Variants in SPAG16 observed in about 807,000 individuals in gnomAD.
SPAG16 encodes sperm associated antigen 16.
Under a neutral mutation model 80.4 loss-of-function variants are expected in SPAG16, and 86 were observed. That is an observed-to-expected ratio of 1.07 (90% CI 0.90 to 1.28). SPAG16 has a LOEUF of 1.28. SPAG16 is among the 50% of genes most tolerant of loss of function. The probability of loss-of-function intolerance (pLI) is 0.00; values close to 1 mark genes in which losing one functional copy is unlikely to be tolerated. For synonymous variants in SPAG16, 294 were observed against 265.9 expected, an observed-to-expected ratio of 1.11 and a Z score of -1.03; for missense variants, 870 against 765.3, an observed-to-expected ratio of 1.14 and a Z score of -1.61.
chr2:213,756,914 A>G lies in SPAG16; in HGVS notation c.1071-105571A>G, dbSNP rs115694552. Among the ~76,000 whole-genome samples the G allele has an allele frequency of 6.6e-3, 1,005 of 152,334 alleles. 21 individuals carry two copies. The highest frequency in any genetic ancestry group is 0.023 in the African/African-American group (968 of 41,574). On this transcript the variant is annotated intron_variant, in intron 10 of 15. Transcript: ENST00000331683. ...AAAGAAGTGTTTTTGAATGTTTAGC[A>G]TATGAAACCCTTATGGTGTTGTCTT...
chr2:213,667,235 T>TAAAAC (rs2063640969), intron 10 of SPAG16, among the ~76,000 whole-genome samples: 1 of 152,194 alleles, frequency 6.6e-6, no homozygotes, highest in Non-Finnish European at 1.5e-5. Context: ...CATGTTGGTG[T>TAAAAC]TAAATAAAAT....
intron 15 of SPAG16, among the ~76,000 whole-genome samples, chr2:214,257,352 CTTG>C (rs980472084): frequency 2.6e-5 from 4 of 151,908 alleles, no homozygotes; most frequent in Non-Finnish European, 5.9e-5. Context: ...TTTCTTTCCA[CTTG>C]TTGTGACTTT....
chr2:213,300,991 T>C (rs774273299), intron 3 of SPAG16, among the ~76,000 whole-genome samples: 29 of 152,110 alleles, frequency 1.9e-4, no homozygotes, highest in Admixed American at 4.6e-4. Context: ...TCCTTTTATT[T>C]AGATCTTAAT....
chr2:213,407,725 GGAGA>G (rs148004710), intron 9 of SPAG16, among the ~76,000 whole-genome samples: 3 of 144,966 alleles, frequency 2.1e-5, no homozygotes, highest in Admixed American at 6.9e-5. Context: ...AAGAGAGACA[GGAGA>G]GAGAGAGACA....
chr2:213,559,804 A>G (rs1469008179), intron 10 of SPAG16, among the ~76,000 whole-genome samples: 6 of 152,060 alleles, frequency 3.9e-5, no homozygotes, highest in Non-Finnish European at 8.8e-5. Context: ...ATAGAACAAA[A>G]ATTGCCTCAT....
At chr2:214,237,464 C>T (rs573736482) in intron 15 of SPAG16, among the ~76,000 whole-genome samples, 4 of 152,058 alleles carry the variant, frequency 2.6e-5, no homozygotes, top group African/African-American at 4.8e-5. Context: ...TTTTAAGACT[C>T]CTACATTACT....
At chr2:214,086,159 T>A (rs1032958195) in intron 13 of SPAG16, among the ~76,000 whole-genome samples, 1 of 152,218 alleles carries the variant, frequency 6.6e-6, no homozygotes, top group Non-Finnish European at 1.5e-5. Context: ...CTTCTGACAG[T>A]GACACTGCAT....
chr2:213,429,586 G>A (rs2070161210), intron 9 of SPAG16, among the ~76,000 whole-genome samples: 1 of 152,094 alleles, frequency 6.6e-6, no homozygotes, highest in African/African-American at 2.4e-5. Context: ...ATAGCATTTG[G>A]AAACAAGATA....
chr2:213,721,690 A>G (rs763887508), intron 10 of SPAG16, among the ~76,000 whole-genome samples: 15 of 152,352 alleles, frequency 9.8e-5, no homozygotes, highest in South Asian at 2.1e-4. Context: ...TGTTCTCAGC[A>G]TGGAAAAGTA....
In SPAG16 at chr2:214,299,084, C is replaced by T. The variant is rs1317895485; in HGVS notation, c.1721-111056C>T. 2.6e-5 allele frequency among the ~76,000 whole-genome samples: 4 copies of T among 151,948 alleles called. No individual in the cohort carries two copies. In the East Asian group the frequency reaches 7.7e-4, roughly 29 times the overall value. ...AAGTGAAGTAAAAATCTTGGAGTAT[C>T]TGTGAGAAAAGCTCAGAAAATCAGT... is the stretch of plus-strand genomic sequence containing the variant. On this transcript the variant is annotated intron_variant, in intron 15 of 15. Coordinates refer to ENST00000331683, the MANE Select transcript of SPAG16 (RefSeq NM_024532.5).
rs571949428 is a variant in SPAG16, at chr2:213,515,373, TAAGGATAAAAACCA to T, written c.1070+25287_1070+25300del. 3.9e-5 allele frequency among the ~76,000 whole-genome samples: 6 copies of T among 152,282 alleles called. No individual in the cohort carries two copies. The East Asian group carries it at 1.2e-3, about 29-fold the overall frequency. Reference sequence around the variant, plus strand: ...GTCACATTGATGACTTCCTTTTACCTAAGGATAAAAACCAAAGTCCTCTATACTTCATCCTCTAC... The same window carrying T: ...GTCACATTGATGACTTCCTTTTACCTAAGTCCTCTATACTTCATCCTCTAC... On this transcript the variant is annotated intron_variant, in intron 10 of 15. Coordinates refer to ENST00000331683, the MANE Select transcript of SPAG16 (RefSeq NM_024532.5).
intron 15 of SPAG16, among the ~76,000 whole-genome samples, chr2:214,197,332 G>A (rs548363698): frequency 4.1e-4 from 62 of 151,982 alleles, no homozygotes; most frequent in East Asian, 9.7e-4. Context: ...CCATTTTGGC[G>A]TTAATATCAT....
At chr2:213,715,655 A>G (rs897082540) in intron 10 of SPAG16, among the ~76,000 whole-genome samples, 1 of 152,184 alleles carries the variant, frequency 6.6e-6, no homozygotes, top group Admixed American at 6.5e-5. Context: ...ATAGATCTCA[A>G]TTAATGCTAG....
At chr2:214,199,622 T>G (rs553196681) in intron 15 of SPAG16, among the ~76,000 whole-genome samples, 11 of 152,296 alleles carry the variant, frequency 7.2e-5, no homozygotes, top group South Asian at 6.2e-4. Context: ...GATTGTTTAT[T>G]CTAGTTCTGT....
chr2:213,602,199 C>T (rs2061091115), intron 10 of SPAG16, among the ~76,000 whole-genome samples: 1 of 152,224 alleles, frequency 6.6e-6, no homozygotes, highest in Non-Finnish European at 1.5e-5. Context: ...GCTGTATCAT[C>T]TGGCTTTGTG....
chr2:214,132,568 C>G (rs1386675975), intron 14 of SPAG16, among the ~76,000 whole-genome samples: 1 of 152,048 alleles, frequency 6.6e-6, no homozygotes, highest in Non-Finnish European at 1.5e-5. Context: ...CATTGTGTCA[C>G]TTAGAGGACT....
rs186782748 is a variant in SPAG16, at chr2:214,086,004, A to T, written c.1528-22192A>T. On this transcript the variant is annotated intron_variant, in intron 13 of 15. Transcript: ENST00000331683. The stretch of plus-strand genomic sequence containing the variant: ...TCCTTAAAAATTGATTTTAAAATAC[A>T]TCTCCTTTTGAGATTAAAATTTTAA... 3.3e-3 allele frequency among the ~76,000 whole-genome samples: 510 copies of T among 152,264 alleles called. 1 individual carries two copies. Among genetic ancestry groups the T allele is most frequent in the Non-Finnish European group, 5.3e-3 (362 of 68,010 alleles).
chr2:213,622,179 T>A (rs1347741914), intron 10 of SPAG16, among the ~76,000 whole-genome samples: 5 of 152,332 alleles, frequency 3.3e-5, no homozygotes, highest in Middle Eastern at 3.4e-3. Flanking sequence ...GCTAGCTTTT[T>A]AAAATTTTTA....
At chr2:214,377,080 T>A (rs906597631) in intron 15 of SPAG16, among the ~76,000 whole-genome samples, 4 of 152,190 alleles carry the variant, frequency 2.6e-5, no homozygotes, top group Non-Finnish European at 5.9e-5. Flanking sequence ...TGTAATAATT[T>A]CATAGCCACT....
Sources: allele counts gnomAD v4.1 joint callset (sites outside exome capture counted in the v4.1 genomes callset), GRCh38; gene constraint gnomAD v4.1.1; transcripts MANE v1.5; gene names NCBI Gene and HGNC (gene_info 2026-07-23, HGNC 2026-07-21).